Variants in BLM observed in about 807,000 individuals in gnomAD.
BLM encodes the protein recQ-like DNA helicase BLM.
Under a neutral mutation model 135.3 loss-of-function variants are expected in BLM, and 95 were observed. The ratio of observed to expected loss-of-function variants is 0.70; its 90% CI spans 0.59 to 0.83. The LOEUF (loss-of-function observed/expected upper bound fraction) is 0.83, where lower values mean the gene tolerates loss of function less well. Ranked by LOEUF, BLM falls within the 40% of genes least tolerant of loss-of-function variation. BLM has a pLI of 0.00. For missense variants in BLM, 1,518 were observed against 1,663.9 expected, an observed-to-expected ratio of 0.91 and a Z score of 1.53; for synonymous variants, 520 against 589.2, an observed-to-expected ratio of 0.88 and a Z score of 1.70.
intron 14 of BLM, among the ~76,000 whole-genome samples, chr15:90,787,510 T>C (rs1354628627): frequency 2.0e-5 from 3 of 152,176 alleles, no homozygotes; most frequent in African/African-American, 4.8e-5. Context: ...AGGAAAAATA[T>C]CTCTCAAAAT....
intron 1 of BLM, among the ~76,000 whole-genome samples, chr15:90,744,669 C>T (rs1008533738): frequency 6.6e-6 from 1 of 151,996 alleles, no homozygotes; most frequent in Non-Finnish European, 1.5e-5. Context: ...CGTGCCCAGC[C>T]AAGATCAATA....
At chr15:90,747,360 C>T (rs2151144938) in intron 1 of BLM, 29 bp from the exon 2 acceptor site, 1 of 1,532,806 alleles carries the variant, frequency 6.5e-7, no homozygotes, top group Non-Finnish European at 9.0e-7. Flanking sequence ...TACCTAACTC[C>T]ACTGATTTCT....
At chr15:90,810,619 G>T (rs1438336790) in intron 20 of BLM, among the ~76,000 whole-genome samples, 1 of 152,178 alleles carries the variant, frequency 6.6e-6, no homozygotes, top group South Asian at 2.1e-4. Flanking sequence ...CTTTGCAAAT[G>T]TGTGCTTTCA....
At chr15:90,741,055 A>G (rs1276340535) in intron 1 of BLM, among the ~76,000 whole-genome samples, 1 of 152,196 alleles carries the variant, frequency 6.6e-6, no homozygotes, top group Non-Finnish European at 1.5e-5. Flanking sequence ...TTAGAGTCCT[A>G]CCAGCAGTGT....
At chr15:90,764,303 AAT>A (rs1289065582) in intron 8 of BLM, among the ~76,000 whole-genome samples, 2 of 149,096 alleles carry the variant, frequency 1.3e-5, no homozygotes, top group African/African-American at 4.9e-5. Context: ...ATATAATTAT[AAT>A]ATATAGTGTG....
At chr15:90,808,193 G>A (rs1234380459) in intron 19 of BLM, among the ~76,000 whole-genome samples, 1 of 152,100 alleles carries the variant, frequency 6.6e-6, no homozygotes, top group Non-Finnish European at 1.5e-5. Flanking sequence ...ATTTCTTCCT[G>A]CCTCTCCTAC....
At chr15:90,747,768 GT>G in intron 2 of BLM, 1 of 359,802 alleles carries the variant, frequency 2.8e-6, no homozygotes. Context: ...GCAAATAAGT[GT>G]TTTTTAAGTT....
At chr15:90,747,511 G>T in intron 2 of BLM, 21 bp downstream of exon 2, 4 of 1,489,948 alleles carry the variant, frequency 2.7e-6, no homozygotes, top group Non-Finnish European at 3.7e-6. Flanking sequence ...TGACTGGTTT[G>T]CTGTCACATA....
chr15:90,758,665 C>T (rs899080060), intron 5 of BLM, among the ~76,000 whole-genome samples: 1 of 152,140 alleles, frequency 6.6e-6, no homozygotes, highest in African/African-American at 2.4e-5. Flanking sequence ...CCGGGTCAAA[C>T]CTCCATTTCT....
rs534770729 is a variant in BLM, at chr15:90,755,309, A to G, written c.1087+371A>G. The G allele has an allele frequency of 1.7e-4, 42 of 242,230 alleles. No individual in the cohort carries two copies. The South Asian group carries it at 2.2e-3, about 13-fold the overall frequency. The allele number at this position is 242,230 out of a possible 1,614,324, so 15.0% of individuals were successfully genotyped here. A position where few individuals can be genotyped will look rare whatever the true frequency, so the allele number is the denominator to read the frequency against. ...GACCACAGAGCGTAATCTCATCATA[A>G]TAGAGTTTCCCTCCCCCTCCTTGAC... is the stretch of plus-strand genomic sequence containing the variant. On this transcript the variant is annotated intron_variant, in intron 5 of 21. Coordinates refer to ENST00000355112, the MANE Select transcript of BLM (RefSeq NM_000057.4).
At position 90,761,015 on chromosome 15, in the gene BLM, C is replaced by T. The variant is rs200389141; in HGVS notation, c.1642C>T (p.Gln548Ter). 1.5e-4 allele frequency: 233 copies of T among 1,606,372 alleles called. No individual in the cohort carries two copies. The highest frequency in any genetic ancestry group is 1.9e-4 in the Non-Finnish European group (222 of 1,177,058). Reference protein sequence around the residue: ...ASINDLERETQPSYDIDNFDI... With the variant: ...ASINDLERET ...AATAAATGACTTAGAAAGAGAAACC[C>T]AACCTTCCTATGATATTGATAATTT... Residue 548 changes from glutamine (Q) to a stop codon, truncating the protein, a stop_gained, in exon 7 of 22, where the codon CAA (glutamine) becomes TAA (stop). Coordinates refer to ENST00000355112, the MANE Select transcript of BLM (RefSeq NM_000057.4). LOFTEE classifies it high-confidence loss of function.
chr15:90,798,251 A>C lies in BLM; in HGVS notation c.3272A>C (p.His1091Pro). The change falls in exon 17 of 22, where the codon CAT becomes CCT. Residue 1091 changes from histidine to proline, a missense_variant. Physicochemically the swap from His to Pro is moderately conservative, Grantham distance 77. Transcript: ENST00000355112. ...AGTATTGTAAGATTTGTTCAAGAAC[A>C]TAGTTCATCACAAGGAATGAGAAAT... is the stretch of plus-strand genomic sequence containing the variant. The part of the protein sequence containing the change: ...VKSIVRFVQE[H>P]SSSQGMRNIK... 6.2e-7 allele frequency: 1 copy of C among 1,611,888 alleles called. No homozygotes were observed. The highest frequency in any genetic ancestry group is 8.5e-7 in the Non-Finnish European group (1 of 1,178,266).
At chr15:90,746,889 C>A (rs951875940) in intron 1 of BLM, among the ~76,000 whole-genome samples, 2 of 152,180 alleles carry the variant, frequency 1.3e-5, no homozygotes, top group African/African-American at 4.8e-5. Context: ...AGCATAGTAT[C>A]TTGCTGGTAA....
chr15:90,747,666 G>C, intron 2 of BLM, 176 bp downstream of exon 2: 1 of 594,720 alleles, frequency 1.7e-6, no homozygotes, highest in Non-Finnish European at 3.1e-6. Context: ...CACCAGGTGA[G>C]ATTGTGTCTC....
At chr15:90,748,400 G>T (rs1196299453) in intron 2 of BLM, among the ~76,000 whole-genome samples, 1 of 151,994 alleles carries the variant, frequency 6.6e-6, no homozygotes, top group Non-Finnish European at 1.5e-5. Flanking sequence ...GAGCCACCAC[G>T]CCCGGCCAAT....
At chr15:90,758,771 CT>C (rs1442546303) in intron 5 of BLM, among the ~76,000 whole-genome samples, 1 of 152,158 alleles carries the variant, frequency 6.6e-6, no homozygotes, top group African/African-American at 2.4e-5. Flanking sequence ...TCATATTAAG[CT>C]TGGAAAAAGG....
intron 13 of BLM, 72 bp from the exon 14 acceptor site, chr15:90,784,849 A>C: frequency 1.3e-6 from 2 of 1,492,240 alleles, no homozygotes; most frequent in Non-Finnish European, 9.3e-7. Context: ...ATATTTCTGA[A>C]AATGTAGTGT....
At chr15:90,789,985 GTGTTTTTTTTTTTT>G (rs1896857136) in intron 14 of BLM, among the ~76,000 whole-genome samples, 2 of 90,624 alleles carry the variant, frequency 2.2e-5, no homozygotes, top group Non-Finnish European at 4.0e-5. Flanking sequence ...GCAGTCCCTG[GTGTTTTTTTTTTTT>G]TTTTTTTTTT....
In BLM at chr15:90,804,278, G is replaced by A; in HGVS notation, c.3670G>A (p.Glu1224Lys). 3 of 1,614,090 alleles carry A rather than the reference G, an allele frequency of 1.9e-6. No homozygotes were observed. Among genetic ancestry groups the A allele is most frequent in the Non-Finnish European group, 2.5e-6 (3 of 1,179,950 alleles). The change falls in exon 19 of 22, where the codon GAA becomes AAA. Residue 1224 changes from glutamate to lysine, a missense_variant. Glu to Lys is a moderately conservative substitution (Grantham distance 56). Coordinates refer to ENST00000355112, the MANE Select transcript of BLM (RefSeq NM_000057.4). Reference sequence around the variant, plus strand: ...TAAAAAATGTCTTGGAGAACTTACAGAAGTCTGCAAATCTCTGGGGAAAGT... The same window carrying A: ...TAAAAAATGTCTTGGAGAACTTACAAAAGTCTGCAAATCTCTGGGGAAAGT... The part of the protein sequence containing the change: ...MVKKCLGELT[E>K]VCKSLGKVFG...
Sources: gnomAD v4.1 joint callset for allele counts (sites outside exome capture counted in the v4.1 genomes callset) on GRCh38, gnomAD v4.1.1 for gene constraint, MANE v1.5 for transcripts, NCBI Gene and HGNC (gene_info 2026-07-23, HGNC 2026-07-21) for gene names.